SCFD2: variants seen among roughly 807,000 people sequenced by gnomAD.
SCFD2 encodes the protein sec1 family domain-containing protein 2.
Under a neutral mutation model 58.9 loss-of-function variants are expected in SCFD2, and 54 were observed. The observed-to-expected ratio is 0.92, with a 90% confidence interval of 0.74 to 1.15. The LOEUF (loss-of-function observed/expected upper bound fraction) is 1.15. SCFD2 is among the 50% of genes most tolerant of loss of function. The pLI, the probability that SCFD2 is intolerant of heterozygous loss-of-function variation, is 0.00. For missense variants in SCFD2, 805 were observed against 836.6 expected (o/e 0.96, Z 0.47); for synonymous variants, 321 against 335.9 (o/e 0.96, Z 0.49).
chr4:52,914,613 G>A (rs1376264032), intron 6 of SCFD2, among the ~76,000 whole-genome samples: 4 of 152,126 alleles, frequency 2.6e-5, no homozygotes, highest in Non-Finnish European at 5.9e-5. Context: ...TGACCACAGA[G>A]CTGACTTATT....
At chr4:52,973,195 CA>C (rs1248234607) in intron 5 of SCFD2, among the ~76,000 whole-genome samples, 2 of 151,920 alleles carry the variant, frequency 1.3e-5, no homozygotes, top group African/African-American at 4.8e-5. Context: ...AATAGAGACA[CA>C]AAAAACCCTT....
chr4:52,944,093 A>G (rs1720360158), intron 5 of SCFD2, among the ~76,000 whole-genome samples: 1 of 152,232 alleles, frequency 6.6e-6, no homozygotes, highest in South Asian at 2.1e-4. Flanking sequence ...TGAATGATAG[A>G]TAACACTTGT....
chr4:53,100,423 A>G (rs1577727118), intron 5 of SCFD2, among the ~76,000 whole-genome samples: 1 of 152,214 alleles, frequency 6.6e-6, no homozygotes, highest in Non-Finnish European at 1.5e-5. Context: ...ATGTGTACAC[A>G]TGCATGTGTG....
At chr4:53,101,438 G>A (rs1724830435) in intron 5 of SCFD2, among the ~76,000 whole-genome samples, 1 of 152,176 alleles carries the variant, frequency 6.6e-6, no homozygotes, top group Non-Finnish European at 1.5e-5. Flanking sequence ...TAACAGTAAT[G>A]TGTGAAGTTT....
At chr4:53,176,426 G>C (rs1264490353) in intron 4 of SCFD2, among the ~76,000 whole-genome samples, 2 of 152,146 alleles carry the variant, frequency 1.3e-5, no homozygotes, top group African/African-American at 4.8e-5. Flanking sequence ...ATACCTTGGG[G>C]AGGAAATGAA....
In SCFD2 at chr4:53,203,979, C is replaced by A. The variant is rs113436713; in HGVS notation, c.1312-58397G>T. ...CACCAAAAGCTGATTGCTGACACTA[C>A]GTACCCTTTCTTCTATGTGTCTCCC... On this transcript the variant is annotated intron_variant, in intron 4 of 8. Coordinates refer to ENST00000401642, the MANE Select transcript of SCFD2 (RefSeq NM_152540.4). Among the ~76,000 whole-genome samples, 1,423 of 152,234 alleles carry A rather than the reference C, an allele frequency of 9.3e-3. 40 individuals are homozygous for A. The highest frequency in any genetic ancestry group is 0.033 in the African/African-American group (1,349 of 41,488).
chr4:53,272,804 T>C (rs1413213050), intron 4 of SCFD2, among the ~76,000 whole-genome samples: 2 of 152,126 alleles, frequency 1.3e-5, no homozygotes, highest in African/African-American at 2.4e-5. Context: ...TGTATACATA[T>C]GTAACTAACC....
intron 6 of SCFD2, among the ~76,000 whole-genome samples, chr4:52,909,031 C>T (rs1005240535): frequency 6.6e-6 from 1 of 152,122 alleles, no homozygotes; most frequent in East Asian, 1.9e-4. Flanking sequence ...TTAAATCAGA[C>T]TATTGACACT....
At chr4:53,305,174 C>T (rs1426278021) in intron 3 of SCFD2, among the ~76,000 whole-genome samples, 1 of 152,064 alleles carries the variant, frequency 6.6e-6, no homozygotes, top group African/African-American at 2.4e-5. Context: ...CCATTATATA[C>T]ATATGTATTT....
chr4:52,938,835 C>T (rs1313633116), intron 5 of SCFD2, among the ~76,000 whole-genome samples: 2 of 152,128 alleles, frequency 1.3e-5, no homozygotes, highest in East Asian at 3.9e-4. Context: ...TTGCTGGACT[C>T]GTCATCGGTG....
intron 5 of SCFD2, among the ~76,000 whole-genome samples, chr4:53,131,384 G>A (rs1328917839): frequency 6.6e-6 from 1 of 152,294 alleles, no homozygotes; most frequent in South Asian, 2.1e-4. Flanking sequence ...GATCTGAACA[G>A]TGTATCAAAG....
At chr4:53,343,699 C>A (rs987651979) in intron 2 of SCFD2, among the ~76,000 whole-genome samples, 5 of 152,172 alleles carry the variant, frequency 3.3e-5, no homozygotes, top group Admixed American at 1.3e-4. Flanking sequence ...ATGCAAAAAT[C>A]CCCAATAAAA....
At chr4:53,114,304 A>G (rs56253107) in intron 5 of SCFD2, among the ~76,000 whole-genome samples, 91 of 152,258 alleles carry the variant, frequency 6.0e-4, no homozygotes, top group African/African-American at 2.1e-3. Flanking sequence ...GTTGAACTAT[A>G]TATCTCCAAA....
At chr4:53,304,383 G>T (rs368102742) in intron 3 of SCFD2, among the ~76,000 whole-genome samples, 95 of 152,182 alleles carry the variant, frequency 6.2e-4, no homozygotes, top group African/African-American at 2.2e-3. Flanking sequence ...TGTCTTGCTA[G>T]GTTGGGGAAA....
intron 4 of SCFD2, among the ~76,000 whole-genome samples, chr4:53,250,424 T>C (rs895338181): frequency 7.2e-5 from 11 of 152,262 alleles, no homozygotes; most frequent in Middle Eastern, 3.4e-3. Context: ...TACCCAGGAA[T>C]TGAACTCAGC....
intron 5 of SCFD2, among the ~76,000 whole-genome samples, chr4:53,034,239 G>A (rs1722698327): frequency 6.6e-6 from 1 of 151,956 alleles, no homozygotes; most frequent in Non-Finnish European, 1.5e-5. Context: ...TATCTCAATA[G>A]ATATGCAGAA....
At chr4:53,221,331 T>C (rs1309202026) in intron 4 of SCFD2, among the ~76,000 whole-genome samples, 1 of 152,236 alleles carries the variant, frequency 6.6e-6, no homozygotes, top group Non-Finnish European at 1.5e-5. Context: ...ATCTAAAGAC[T>C]GAAAATTAAA....
intron 1 of SCFD2, among the ~76,000 whole-genome samples, chr4:53,357,482 A>G (rs1305199983): frequency 2.0e-4 from 31 of 152,256 alleles, no homozygotes; most frequent in Admixed American, 1.9e-3. Context: ...ATACAAAAAC[A>G]GGTGGATATT....
At chr4:53,345,674 A>G (rs1228775982) in intron 2 of SCFD2, among the ~76,000 whole-genome samples, 4 of 151,980 alleles carry the variant, frequency 2.6e-5, no homozygotes, top group Middle Eastern at 6.3e-3. Context: ...ACTATTTACA[A>G]TAGCAAAGAC....
Sources: allele counts gnomAD v4.1 joint callset (sites outside exome capture counted in the v4.1 genomes callset), GRCh38; gene constraint gnomAD v4.1.1; transcripts MANE v1.5; gene names NCBI Gene and HGNC (gene_info 2026-07-23, HGNC 2026-07-21).